ANTXR1: variants seen among roughly 807,000 people sequenced by gnomAD.
ANTXR1 encodes anthrax toxin receptor 1.
A neutral mutation model predicts 78.1 loss-of-function variants in ANTXR1; 19 were observed. The ratio of observed to expected loss-of-function variants is 0.24; its 90% CI spans 0.17 to 0.36. ANTXR1 has a LOEUF of 0.36. Among genes scored for constraint, ANTXR1 ranks in the 10% least tolerant of loss-of-function variants. The pLI is 1.00. For missense variants in ANTXR1, 518 were observed against 718.6 expected, an observed-to-expected ratio of 0.72 and a Z score of 3.19; for synonymous variants, 273 against 260.5, an observed-to-expected ratio of 1.05 and a Z score of -0.46.
At chr2:69,204,818 A>G (rs1478850827) in intron 17 of ANTXR1, among the ~76,000 whole-genome samples, 1 of 152,134 alleles carries the variant, frequency 6.6e-6, no homozygotes, top group Non-Finnish European at 1.5e-5. Context: ...CCTGCCCAAG[A>G]TGACATACCC....
At chr2:69,081,352 C>A (rs1198220268) in intron 8 of ANTXR1, among the ~76,000 whole-genome samples, 1 of 152,226 alleles carries the variant, frequency 6.6e-6, no homozygotes, top group African/African-American at 2.4e-5. Context: ...GGCTTGGATT[C>A]ATCAAATCCC....
In ANTXR1 at chr2:69,128,814, G is replaced by A. The variant is rs75430990; in HGVS notation, c.951+4171G>A. ...AGTGATCCCCTGGGTCTGAGTAAAC[G>A]GATATTGTCAATGCCAGTCACAGCC... On this transcript the variant is annotated intron_variant, in intron 12 of 17. Coordinates refer to ENST00000303714, the MANE Select transcript of ANTXR1 (RefSeq NM_032208.3). Among the ~76,000 whole-genome samples, 742 of 152,290 alleles carry A rather than the reference G, an allele frequency of 4.9e-3. 24 individuals carry two copies. In the East Asian group the frequency reaches 0.078, roughly 16 times the overall value.
At chr2:69,084,057 A>G (rs75491388) in intron 8 of ANTXR1, among the ~76,000 whole-genome samples, 1,988 of 152,326 alleles carry the variant, frequency 0.013, 37 homozygotes, top group African/African-American at 0.045. Flanking sequence ...GGGCATGTTC[A>G]GTTAATCCTC....
Position 69,236,099 on chromosome 2 carries a change from G to A in ANTXR1, c.1435-9126G>A, listed in dbSNP as rs562356244. ...CATAACCCAATCACTTCTCTTTCTC[G>A]ACACGTGGGGATTACAATTCAAGAT... is the stretch of plus-strand genomic sequence containing the variant. On this transcript the variant is annotated intron_variant, in intron 17 of 17. Transcript: ENST00000303714. 7.2e-5 allele frequency among the ~76,000 whole-genome samples: 11 copies of A among 152,162 alleles called. No homozygotes were observed. In the South Asian group the frequency reaches 1.9e-3, roughly 26 times the overall value.
chr2:69,073,132 A>G, intron 6 of ANTXR1, 31 bp downstream of exon 6: 1 of 1,606,262 alleles, frequency 6.2e-7, no homozygotes, highest in Non-Finnish European at 8.5e-7. Context: ...GTCTAAACAT[A>G]TACATGGAAC....
chr2:69,232,354 C>T (rs1299125849), intron 17 of ANTXR1, among the ~76,000 whole-genome samples: 2 of 151,646 alleles, frequency 1.3e-5, no homozygotes, highest in Non-Finnish European at 2.9e-5. Flanking sequence ...AAAGAGAGAA[C>T]ATATAATTTT....
chr2:69,241,032 G>T (rs1675882281), intron 17 of ANTXR1, among the ~76,000 whole-genome samples: 1 of 152,134 alleles, frequency 6.6e-6, no homozygotes, highest in South Asian at 2.1e-4. Context: ...AATTTAATCT[G>T]AGAAATTTTT....
intron 17 of ANTXR1, among the ~76,000 whole-genome samples, chr2:69,197,652 C>T (rs1005966849): frequency 1.3e-5 from 2 of 152,106 alleles, no homozygotes; most frequent in Non-Finnish European, 2.9e-5. Flanking sequence ...TGAAAGGGGG[C>T]ATTGCCCAAG....
chr2:69,245,529 A>G lies in ANTXR1; in HGVS notation c.*44A>G, dbSNP rs1676003128. On this transcript the variant is annotated 3_prime_UTR_variant, in exon 18 of 18. Transcript: ENST00000303714. ...TGGGCTCTCTCAGAAACTTCAGGAG[A>G]TGTTAGAACAAGTCTTTCCAGTTAG... The G allele has an allele frequency of 6.2e-7, 1 of 1,610,104 alleles. No homozygotes were observed. Among genetic ancestry groups the G allele is most frequent in the Non-Finnish European group, 8.5e-7 (1 of 1,178,978 alleles).
intron 17 of ANTXR1, among the ~76,000 whole-genome samples, chr2:69,220,367 T>C (rs1197158158): frequency 6.6e-6 from 1 of 152,212 alleles, no homozygotes; most frequent in Non-Finnish European, 1.5e-5. Flanking sequence ...GTAGTATCTT[T>C]CTCTTAAAGT....
intron 9 of ANTXR1, among the ~76,000 whole-genome samples, chr2:69,098,844 G>A (rs1389497971): frequency 9.2e-5 from 14 of 152,130 alleles, no homozygotes; most frequent in East Asian, 7.7e-4. Context: ...AAATTAGCCC[G>A]GTGTACTGGC....
At position 69,242,280 on chromosome 2, in the gene ANTXR1, C is replaced by T. The variant is rs573349925; in HGVS notation, c.1435-2945C>T. 1.5e-4 allele frequency among the ~76,000 whole-genome samples: 23 copies of T among 152,292 alleles called. No individual in the cohort carries two copies. In the East Asian group the frequency reaches 4.4e-3, roughly 29 times the overall value. The stretch of plus-strand genomic sequence containing the variant: ...GGTCTTCCTCCCCACCTCACTCCCC[C>T]ACAGCCCCCACTGCCCTCTTTCATC... On this transcript the variant is annotated intron_variant, in intron 17 of 17. Coordinates refer to ENST00000303714, the MANE Select transcript of ANTXR1 (RefSeq NM_032208.3).
At chr2:69,131,692 A>T (rs1363980318) in intron 12 of ANTXR1, among the ~76,000 whole-genome samples, 1 of 152,204 alleles carries the variant, frequency 6.6e-6, no homozygotes, top group Non-Finnish European at 1.5e-5. Flanking sequence ...GAATGAACCC[A>T]ATCAAGGGTC....
intron 17 of ANTXR1, among the ~76,000 whole-genome samples, chr2:69,224,197 G>A (rs1675388021): frequency 6.6e-6 from 1 of 152,172 alleles, no homozygotes; most frequent in African/African-American, 2.4e-5. Flanking sequence ...CTTACAGACT[G>A]GGAATTTTCC....
chr2:69,035,452 G>A (rs1296880900), intron 1 of ANTXR1, among the ~76,000 whole-genome samples: 2 of 152,274 alleles, frequency 1.3e-5, no homozygotes, highest in Non-Finnish European at 1.5e-5. Flanking sequence ...AAGAGTAGAA[G>A]GAGTCCAAGG....
intron 3 of ANTXR1, among the ~76,000 whole-genome samples, chr2:69,062,588 A>G (rs1228141479): frequency 1.3e-5 from 2 of 152,206 alleles, no homozygotes; most frequent in Non-Finnish European, 2.9e-5. Flanking sequence ...ACAAAGAATA[A>G]AAGCCTTATG....
At chr2:69,027,632 GTGTGTGTA>G (rs1032272739) in intron 1 of ANTXR1, among the ~76,000 whole-genome samples, 27 of 145,054 alleles carry the variant, frequency 1.9e-4, no homozygotes, top group African/African-American at 6.7e-4. Flanking sequence ...GTGTGTGTGT[GTGTGTGTA>G]TGTGTGTGTG....
At chr2:69,059,302 G>T (rs903281513) in intron 3 of ANTXR1, among the ~76,000 whole-genome samples, 1 of 152,154 alleles carries the variant, frequency 6.6e-6, no homozygotes, top group African/African-American at 2.4e-5. Context: ...AAACTTCATT[G>T]TTGTCTTATT....
chr2:69,249,209 G>A lies in ANTXR1; in HGVS notation c.*3724G>A, dbSNP rs1270560790. The A allele has an allele frequency of 2.0e-5, 3 of 151,326 alleles. No individual in the cohort carries two copies. The highest frequency in any genetic ancestry group is 4.4e-5 in the Non-Finnish European group (3 of 67,966). 9.4% of individuals were successfully genotyped at this position (151,326 alleles called of 1,614,324 possible). ...TTGTCTGTTTGTTATAAAGTGCAAC[G>A]TATTCAAGTCCTCAATATCCTGATC... On this transcript the variant is annotated 3_prime_UTR_variant, in exon 18 of 18. Coordinates refer to ENST00000303714, the MANE Select transcript of ANTXR1 (RefSeq NM_032208.3).
Sources: gnomAD v4.1 joint callset for allele counts (sites outside exome capture counted in the v4.1 genomes callset) on GRCh38, gnomAD v4.1.1 for gene constraint, MANE v1.5 for transcripts, NCBI Gene and HGNC (gene_info 2026-07-23, HGNC 2026-07-21) for gene names.